FCHO2: variants seen among roughly 807,000 people sequenced by gnomAD.
The protein encoded by FCHO2 is F-BAR domain only protein 2.
Under a neutral mutation model 114.1 loss-of-function variants are expected in FCHO2, and 43 were observed. The observed-to-expected ratio is 0.38, with a 90% confidence interval of 0.30 to 0.49. The LOEUF (loss-of-function observed/expected upper bound fraction) is 0.49, where lower values mean the gene tolerates loss of function less well. FCHO2 is among the 20% of genes least tolerant of loss of function. The pLI, the probability that FCHO2 is intolerant of heterozygous loss-of-function variation, is 0.97. For synonymous variants in FCHO2, 293 were observed against 315.2 expected, an observed-to-expected ratio of 0.93 and a Z score of 0.75; for missense variants, 807 against 950.4, an observed-to-expected ratio of 0.85 and a Z score of 1.98.
chr5:72,992,715 A>G (rs1753871465), intron 5 of FCHO2, among the ~76,000 whole-genome samples: 1 of 152,184 alleles, frequency 6.6e-6, no homozygotes, highest in African/African-American at 2.4e-5. Context: ...CCAAGGAATC[A>G]TTTCATGACT....
At chr5:73,068,809 A>T (rs779153261) in intron 19 of FCHO2, 30 bp downstream of exon 19, 1 of 1,606,948 alleles carries the variant, frequency 6.2e-7, no homozygotes, top group South Asian at 1.1e-5. Flanking sequence ...TACATGTGAA[A>T]TGTAGTGTAC....
intron 1 of FCHO2, among the ~76,000 whole-genome samples, chr5:72,964,064 A>G (rs1752044169): frequency 6.6e-6 from 1 of 151,924 alleles, no homozygotes. Context: ...TAGTTTTTTT[A>G]TTTTGAAAGT....
At chr5:73,040,843 C>CTTTTTTTTAAAG (rs1756768281) in intron 10 of FCHO2, among the ~76,000 whole-genome samples, 1 of 152,030 alleles carries the variant, frequency 6.6e-6, no homozygotes, top group Admixed American at 6.6e-5. Flanking sequence ...AGACTACTTG[C>CTTTTTTTTAAAG]TACTTAATAC....
chr5:73,001,341 G>A (rs1383633191), intron 5 of FCHO2, among the ~76,000 whole-genome samples: 3 of 151,668 alleles, frequency 2.0e-5, no homozygotes. Flanking sequence ...AACTACTCAG[G>A]AGGCTGAGGC....
intron 2 of FCHO2, among the ~76,000 whole-genome samples, chr5:72,982,703 A>G (rs764244897): frequency 3.9e-5 from 6 of 152,028 alleles, no homozygotes; most frequent in Admixed American, 2.6e-4. Context: ...ACCATACCCA[A>G]TGTTGTCTAG....
At chr5:73,022,922 A>G (rs1359395712) in intron 8 of FCHO2, among the ~76,000 whole-genome samples, 1 of 152,026 alleles carries the variant, frequency 6.6e-6, no homozygotes, top group Non-Finnish European at 1.5e-5. Context: ...GTCCAAGCCT[A>G]TATCCATTCT....
At chr5:72,968,725 A>C (rs944821854) in intron 2 of FCHO2, 136 bp downstream of exon 2, 2 of 609,988 alleles carry the variant, frequency 3.3e-6, no homozygotes, top group Non-Finnish European at 5.2e-6. Context: ...AATTATATCT[A>C]TCTATTTGTA....
intron 5 of FCHO2, among the ~76,000 whole-genome samples, chr5:72,994,985 A>G (rs1167783584): frequency 1.3e-5 from 2 of 152,098 alleles, no homozygotes; most frequent in African/African-American, 2.4e-5. Flanking sequence ...GGGAAGAAGG[A>G]GAGGATCAGA....
intron 23 of FCHO2, among the ~76,000 whole-genome samples, chr5:73,082,500 T>C (rs1001896088): frequency 6.6e-6 from 1 of 152,188 alleles, no homozygotes; most frequent in African/African-American, 2.4e-5. Context: ...TACTGATCCC[T>C]ATACACATTC....
intron 18 of FCHO2, among the ~76,000 whole-genome samples, chr5:73,064,645 G>T (rs889330015): frequency 1.3e-5 from 2 of 151,996 alleles, no homozygotes; most frequent in African/African-American, 4.8e-5. Context: ...GAATGTACAA[G>T]AGTCTTTATA....
At chr5:73,072,725 G>C (rs1742716150) in intron 19 of FCHO2, among the ~76,000 whole-genome samples, 1 of 152,022 alleles carries the variant, frequency 6.6e-6, no homozygotes, top group African/African-American at 2.4e-5. Flanking sequence ...GTTGCCAGGG[G>C]CTGGGGAAAC....
At chr5:73,001,474 AAT>A in intron 5 of FCHO2, among the ~76,000 whole-genome samples, 2 of 151,042 alleles carry the variant, frequency 1.3e-5, no homozygotes, top group Admixed American at 6.6e-5. Flanking sequence ...AAAAAAAAGA[AAT>A]GAAAAGAAAT....
At chr5:73,051,438 T>C in intron 12 of FCHO2, 32 bp downstream of exon 12, 2 of 1,415,220 alleles carry the variant, frequency 1.4e-6, no homozygotes, top group Non-Finnish European at 9.6e-7. Flanking sequence ...TTCTTAAGGA[T>C]TATGTTGGCA....
At chr5:72,993,802 C>A (rs940311049) in intron 5 of FCHO2, among the ~76,000 whole-genome samples, 3 of 152,126 alleles carry the variant, frequency 2.0e-5, no homozygotes, top group African/African-American at 4.8e-5. Flanking sequence ...TTGGTAAGAT[C>A]AAGTGCTTGG....
chr5:73,000,779 TA>T (rs34783842), intron 5 of FCHO2, among the ~76,000 whole-genome samples: 6 of 150,140 alleles, frequency 4.0e-5, no homozygotes, highest in Admixed American at 2.7e-4. Context: ...CTGTCTCAAT[TA>T]AAAAAAAAAT....
intron 6 of FCHO2, among the ~76,000 whole-genome samples, chr5:73,013,731 G>A (rs1197811955): frequency 6.6e-6 from 1 of 152,126 alleles, no homozygotes; most frequent in African/African-American, 2.4e-5. Flanking sequence ...GCAGAGGCGC[G>A]ATCTTGGCTC....
chr5:72,976,307 G>A (rs2112627581), intron 2 of FCHO2, among the ~76,000 whole-genome samples: 1 of 152,142 alleles, frequency 6.6e-6, no homozygotes, highest in South Asian at 2.1e-4. Context: ...TCGAACTCCT[G>A]GCCTCAAGTG....
In FCHO2 at chr5:73,089,060, C is replaced by T. The variant is rs1743402492; in HGVS notation, c.*970C>T. ...AAAGCCTAACTTAAGAATCCTGGCTCACTTCTTTGGTGATACACTGTAGCC... is the reference window on the plus strand; with the variant it reads ...AAAGCCTAACTTAAGAATCCTGGCTTACTTCTTTGGTGATACACTGTAGCC... On this transcript the variant is annotated 3_prime_UTR_variant, in exon 26 of 26. Coordinates refer to ENST00000430046, the MANE Select transcript of FCHO2 (RefSeq NM_138782.3). The T allele has an allele frequency of 6.6e-6, 1 of 152,490 alleles. No homozygotes were observed. Among genetic ancestry groups the T allele is most frequent in the South Asian group, 2.1e-4 (1 of 4,822 alleles). The allele number at this position is 152,490 out of a possible 1,614,324, so 9.4% of individuals were successfully genotyped here.
At chr5:72,990,044 A>G (rs1753739318) in intron 3 of FCHO2, among the ~76,000 whole-genome samples, 1 of 151,996 alleles carries the variant, frequency 6.6e-6, no homozygotes, top group African/African-American at 2.4e-5. Flanking sequence ...AAGAATAATT[A>G]TCTAAAAATT....
Sources: allele counts gnomAD v4.1 joint callset (sites outside exome capture counted in the v4.1 genomes callset), GRCh38; gene constraint gnomAD v4.1.1; transcripts MANE v1.5; gene names NCBI Gene and HGNC (gene_info 2026-07-23, HGNC 2026-07-21).